MTMR3: variants seen among roughly 807,000 people sequenced by gnomAD.
The protein encoded by MTMR3 is phosphatidylinositol-3,5-bisphosphate 3-phosphatase MTMR3.
Under a neutral mutation model 132.4 loss-of-function variants are expected in MTMR3, and 32 were observed. That is an observed-to-expected ratio of 0.24 (90% CI 0.18 to 0.32). The LOEUF (loss-of-function observed/expected upper bound fraction) is 0.32. Among genes scored for constraint, MTMR3 ranks in the 10% least tolerant of loss-of-function variants. The pLI is 1.00. For missense variants in MTMR3, 1,216 were observed against 1,489.6 expected, an observed-to-expected ratio of 0.82 and a Z score of 3.02; for synonymous variants, 556 against 550.3, an observed-to-expected ratio of 1.01 and a Z score of -0.14.
At chr22:29,983,414 C>CA in intron 5 of MTMR3, 1 of 151,976 alleles carries the variant, frequency 6.6e-6, no homozygotes. Flanking sequence ...CTCCTGGGCT[C>CA]AAGTTATTCT....
At chr22:30,009,612 A>G (rs1028207854) in intron 12 of MTMR3, 5 of 153,964 alleles carry the variant, frequency 3.2e-5, no homozygotes, top group Non-Finnish European at 4.3e-5. Context: ...TCTGCTTTCA[A>G]TTTCTAAACT....
intron 1 of MTMR3, among the ~76,000 whole-genome samples, chr22:29,921,217 G>A (rs1372225113): frequency 6.6e-6 from 1 of 152,124 alleles, no homozygotes; most frequent in Admixed American, 6.5e-5. Context: ...GAAGGTGAAG[G>A]GGGAACAGGC....
chr22:29,957,260 A>AT (rs148686689), intron 2 of MTMR3, among the ~76,000 whole-genome samples, 172 bp downstream of exon 2: 81,038 of 144,390 alleles, frequency 0.56, 23,306 homozygotes, highest in East Asian at 0.75. Flanking sequence ...CTTACATGTG[A>AT]TTATTTTTTT....
At chr22:29,933,733 G>GTTTT (rs758195736) in intron 1 of MTMR3, among the ~76,000 whole-genome samples, 1 of 124,130 alleles carries the variant, frequency 8.1e-6, no homozygotes, top group Non-Finnish European at 1.7e-5. Flanking sequence ...GCAGTTCTGT[G>GTTTT]TTTTTTTTTT....
chr22:29,901,298 A>G (rs544687703), intron 1 of MTMR3, among the ~76,000 whole-genome samples: 2 of 151,548 alleles, frequency 1.3e-5, no homozygotes, highest in South Asian at 2.1e-4. Context: ...TTTGTGACTA[A>G]TTTACAAATA....
At chr22:29,943,707 A>T (rs1027479079) in intron 1 of MTMR3, among the ~76,000 whole-genome samples, 1 of 152,128 alleles carries the variant, frequency 6.6e-6, no homozygotes, top group African/African-American at 2.4e-5. Flanking sequence ...ATATAGCAAA[A>T]TGAGGCTCTT....
chr22:29,936,471 C>T (rs2065752648), intron 1 of MTMR3, among the ~76,000 whole-genome samples: 1 of 152,110 alleles, frequency 6.6e-6, no homozygotes, highest in African/African-American at 2.4e-5. Context: ...TTTTCCTGTA[C>T]TAGATGCCAG....
chr22:29,949,516 A>G (rs1424027223), intron 1 of MTMR3, among the ~76,000 whole-genome samples: 3 of 146,250 alleles, frequency 2.1e-5, no homozygotes, highest in African/African-American at 5.0e-5. Context: ...CCCCAAAAAA[A>G]AAAAACAACA....
intron 2 of MTMR3, among the ~76,000 whole-genome samples, chr22:29,959,691 C>T (rs1382809871): frequency 6.6e-6 from 1 of 151,862 alleles, no homozygotes; most frequent in Non-Finnish European, 1.5e-5. Context: ...AACGTAGTAA[C>T]ATATTACTTG....
intron 1 of MTMR3, among the ~76,000 whole-genome samples, chr22:29,956,812 C>G (rs1419659744): frequency 6.6e-6 from 1 of 152,132 alleles, no homozygotes; most frequent in Non-Finnish European, 1.5e-5. Flanking sequence ...CTCTACAGTT[C>G]TGCAATTTCT....
chr22:29,907,261 G>C (rs1270341564), intron 1 of MTMR3, among the ~76,000 whole-genome samples: 58 of 151,906 alleles, frequency 3.8e-4, no homozygotes, highest in Admixed American at 3.7e-3. Flanking sequence ...AATTAGCCGG[G>C]CGTCGTCGTG....
chr22:29,950,986 A>C (rs374229764), intron 1 of MTMR3, among the ~76,000 whole-genome samples: 1 of 152,132 alleles, frequency 6.6e-6, no homozygotes, highest in Non-Finnish European at 1.5e-5. Context: ...CCCCGTCTCT[A>C]CTGAAAATAC....
chr22:29,939,977 A>G (rs545134157), intron 1 of MTMR3, among the ~76,000 whole-genome samples: 10 of 152,280 alleles, frequency 6.6e-5, no homozygotes, highest in Admixed American at 6.5e-4. Context: ...ACTTTGTGAT[A>G]TTTCCCTGCC....
chr22:29,930,350 T>G (rs1348411992), intron 1 of MTMR3, among the ~76,000 whole-genome samples: 1 of 152,206 alleles, frequency 6.6e-6, no homozygotes, highest in Non-Finnish European at 1.5e-5. Flanking sequence ...TAGGATTTAA[T>G]ATAAATGGTC....
At chr22:30,003,115 G>A (rs1359326830) in intron 9 of MTMR3, 122 bp downstream of exon 9, 14 of 686,344 alleles carry the variant, frequency 2.0e-5, no homozygotes, top group Admixed American at 7.3e-5. Flanking sequence ...TTCTAGGCAA[G>A]GCTGTACTTC....
intron 2 of MTMR3, among the ~76,000 whole-genome samples, chr22:29,967,917 C>CTGTGTGTGTGTGTG (rs57853762): frequency 4.7e-5 from 7 of 148,342 alleles, no homozygotes; most frequent in Non-Finnish European, 1.0e-4. Context: ...ATTATATATA[C>CTGTGTGTGTGTGTG]TGTGTGTGTG....
At position 30,008,042 on chromosome 22, in the gene MTMR3, A is replaced by G. The variant is rs2067311125; in HGVS notation, c.1009+10A>G. 3 of 1,611,936 alleles carry G rather than the reference A, an allele frequency of 1.9e-6. No individual in the cohort carries two copies. The highest frequency in any genetic ancestry group is 2.5e-6 in the Non-Finnish European group (3 of 1,179,590). ...GGCTGCGAATGCCCAGGTGAGGTGT[A>G]TGGTGCTTTGTTCCCCATACTTTCT... On this transcript the variant is annotated intron_variant, in intron 11 of 19. Transcript: ENST00000401950.
intron 1 of MTMR3, among the ~76,000 whole-genome samples, chr22:29,922,895 T>G (rs1243651084): frequency 2.0e-5 from 3 of 151,616 alleles, no homozygotes; most frequent in East Asian, 1.9e-4. Context: ...CTAGTGTTTT[T>G]TTTTTTTTTT....
intron 2 of MTMR3, among the ~76,000 whole-genome samples, chr22:29,970,497 C>CTTTTTTTTTTTTTT (rs11326857): frequency 3.5e-5 from 2 of 57,744 alleles, no homozygotes; most frequent in African/African-American, 1.6e-4. Flanking sequence ...CCATGACCAG[C>CTTTTTTTTTTTTTT]TTTTTTTTTT....
Sources: allele counts gnomAD v4.1 joint callset (sites outside exome capture counted in the v4.1 genomes callset), GRCh38; gene constraint gnomAD v4.1.1; transcripts MANE v1.5; gene names NCBI Gene and HGNC (gene_info 2026-07-23, HGNC 2026-07-21).